ABHD5: variants seen among roughly 807,000 people sequenced by gnomAD.
The protein encoded by ABHD5 is abhydrolase domain containing 5, lysophosphatidic acid acyltransferase.
A neutral mutation model predicts 44.9 loss-of-function variants in ABHD5; 30 were observed. The ratio of observed to expected loss-of-function variants is 0.67; its 90% CI spans 0.50 to 0.91. The LOEUF is 0.91. Ranked by LOEUF, ABHD5 falls within the 40% of genes least tolerant of loss-of-function variation. ABHD5 has a pLI of 0.00. For synonymous variants in ABHD5, 167 were observed against 147.0 expected (o/e 1.14, Z -0.99); for missense variants, 399 against 423.4 (o/e 0.94, Z 0.50).
intron 7 of ABHD5, among the ~76,000 whole-genome samples, chr3:43,732,314 C>G (rs749435169): frequency 1.3e-5 from 2 of 152,060 alleles, no homozygotes; most frequent in Non-Finnish European, 2.9e-5. Context: ...CCTGTAATTC[C>G]AGCTACTTGG....
In ABHD5 at chr3:43,715,006, G is replaced by C. The variant is rs1397734423; in HGVS notation, c.721G>C (p.Glu241Gln). ...CAAACGAAAGTATTCTTCAATGTTC[G>C]AAGACGATACTGTGACAGAATACAT... ...DFKRKYSSMF[E>Q]DDTVTEYIYH... Residue 241 changes from glutamate (E) to glutamine (Q), a missense_variant, in exon 5 of 7, where the codon GAA (glutamate) becomes CAA (glutamine). Coordinates refer to ENST00000644371, the MANE Select transcript of ABHD5 (RefSeq NM_016006.6). 6.2e-7 allele frequency: 1 copy of C among 1,612,832 alleles called. No homozygotes were observed. The highest frequency in any genetic ancestry group is 8.5e-7 in the Non-Finnish European group (1 of 1,179,466).
chr3:43,720,893 C>T lies in ABHD5; in HGVS notation c.*2361C>T, dbSNP rs1376482616. 6.7e-6 allele frequency: 1 copy of T among 148,162 alleles called. No individual in the cohort carries two copies. Among genetic ancestry groups the T allele is most frequent in the Non-Finnish European group, 1.5e-5 (1 of 67,060 alleles). 9.2% of individuals were successfully genotyped at this position (148,162 alleles called of 1,614,324 possible). On this transcript the variant is annotated 3_prime_UTR_variant, in exon 7 of 7. Transcript: ENST00000644371. ...CCCTTAAGATGACTTCTGTTTTCTT[C>T]TTTTTTCTTCTGATTTTCCAAAAAA...
chr3:43,715,055 C>G lies in ABHD5; in HGVS notation c.770C>G (p.Pro257Arg), dbSNP rs2084744930. ...EYIYHCNVQT[P>R]SGETAFKNMT... ...ATCTACCACTGTAATGTGCAGACTC[C>G]AAGGTGAGGGTTAGGATTCTCAATT... is the stretch of plus-strand genomic sequence containing the variant. The change falls in exon 5 of 7, where the codon CCA becomes CGA. Residue 257 changes from proline (P) to arginine (R), a missense_variant. Coordinates refer to ENST00000644371, the MANE Select transcript of ABHD5 (RefSeq NM_016006.6). 2 of 1,599,402 alleles carry G rather than the reference C, an allele frequency of 1.3e-6. No individual in the cohort carries two copies. The highest frequency in any genetic ancestry group is 2.7e-5 in the African/African-American group (2 of 73,186).
At position 43,720,537 on chromosome 3, in the gene ABHD5, T is replaced by C. The variant is rs1455396138; in HGVS notation, c.*2005T>C. On this transcript the variant is annotated 3_prime_UTR_variant, in exon 7 of 7. Transcript: ENST00000644371. ...TTACCCTGAGGTATAGTATATGTAATTTTGTGAAGATTGAGCTGGAAGGGA... is the reference window on the plus strand; with the variant it reads ...TTACCCTGAGGTATAGTATATGTAACTTTGTGAAGATTGAGCTGGAAGGGA... 6.6e-6 allele frequency: 1 copy of C among 152,224 alleles called. No individual in the cohort carries two copies. Among genetic ancestry groups the C allele is most frequent in the Non-Finnish European group, 1.5e-5 (1 of 68,042 alleles). 9.4% of individuals were successfully genotyped at this position (152,224 alleles called of 1,614,324 possible). A position where few individuals can be genotyped will look rare whatever the true frequency, so the allele number is the denominator to read the frequency against.
At chr3:43,715,916 C>CTTTAGA (rs2084756931) in intron 5 of ABHD5, among the ~76,000 whole-genome samples, 3 of 152,078 alleles carry the variant, frequency 2.0e-5, no homozygotes. Context: ...TGATTGTACT[C>CTTTAGA]CTGAACAACT....
At position 43,703,182 on chromosome 3, in the gene ABHD5, CT is replaced by C. The variant is rs56246222; in HGVS notation, c.506+608del. Among the ~76,000 whole-genome samples the C allele has an allele frequency of 4.3e-3, 627 of 147,266 alleles. 4 individuals carry two copies. Among genetic ancestry groups the C allele is most frequent in the South Asian group, 0.025 (118 of 4,646 alleles). ...TTCTAGCATCATCTCCTTTCTTTAA[CT>C]TTTTTTTTTTTTAAGAGATAGAAGC... On this transcript the variant is annotated intron_variant, in intron 3 of 6. Transcript: ENST00000644371.
At position 43,714,929 on chromosome 3, in the gene ABHD5, A is replaced by C; in HGVS notation, c.662-18A>C. 1 of 1,569,242 alleles carries C rather than the reference A, an allele frequency of 6.4e-7. No homozygotes were observed. Among genetic ancestry groups the C allele is most frequent in the Non-Finnish European group, 8.8e-7 (1 of 1,139,688 alleles). On this transcript the variant is annotated intron_variant, in intron 4 of 6. Transcript: ENST00000644371. ...CTATAATTTAAAACATGCATTTTTT[A>C]AATTTCCTGTTAAATAGGTTTAAGT...
At chr3:43,714,676 C>A (rs1009884900) in intron 4 of ABHD5, among the ~76,000 whole-genome samples, 3 of 152,166 alleles carry the variant, frequency 2.0e-5, no homozygotes, top group African/African-American at 7.2e-5. Context: ...AAAGTGCCTT[C>A]TAACTTACAT....
chr3:43,716,140 G>C (rs931257804), intron 5 of ABHD5, among the ~76,000 whole-genome samples: 3 of 152,172 alleles, frequency 2.0e-5, no homozygotes, highest in Non-Finnish European at 2.9e-5. Flanking sequence ...TGAAGATAGT[G>C]GGGGGCTAGG....
rs886058498 is a variant in ABHD5, at chr3:43,720,836, G to T, written c.*2304G>T. The T allele has an allele frequency of 6.6e-6, 1 of 151,640 alleles. No homozygotes were observed. Among genetic ancestry groups the T allele is most frequent in the African/African-American group, 2.4e-5 (1 of 41,232 alleles). The allele number at this position is 151,640 out of a possible 1,614,324, so 9.4% of individuals were successfully genotyped here. A position where few individuals can be genotyped will look rare whatever the true frequency, so the allele number is the denominator to read the frequency against. On this transcript the variant is annotated 3_prime_UTR_variant, in exon 7 of 7. Transcript: ENST00000644371. The stretch of plus-strand genomic sequence containing the variant: ...GAAGGCTACTCTGGGTGTTGTGGCC[G>T]CCATACATGGCTTTACCTGGGTCCA...
At chr3:43,711,157 C>T (rs1017900409) in intron 3 of ABHD5, among the ~76,000 whole-genome samples, 11 of 152,174 alleles carry the variant, frequency 7.2e-5, no homozygotes, top group Admixed American at 2.0e-4. Context: ...GTCCACGTTA[C>T]GTTATCCTCA....
intron 6 of ABHD5, 130 bp downstream of exon 6, chr3:43,717,987 C>A: frequency 8.7e-7 from 1 of 1,155,444 alleles, no homozygotes; most frequent in Non-Finnish European, 1.3e-6. Flanking sequence ...CAGTCGGGGA[C>A]GTGATACCAC....
chr3:43,710,422 T>A (rs2084673366), intron 3 of ABHD5, among the ~76,000 whole-genome samples: 1 of 152,230 alleles, frequency 6.6e-6, no homozygotes, highest in Admixed American at 6.5e-5. Flanking sequence ...TCTGCTGGTA[T>A]GCTGGGGTAG....
rs368902140 is a variant in ABHD5, at chr3:43,691,052, G to T, written c.47+13G>T. ...ACACCGGAGAGAGGTAAGCGCAGCC[G>T]GCAGGGGGCTTCGTGTGTCTCCGGC... On this transcript the variant is annotated intron_variant, in intron 1 of 6. Transcript: ENST00000644371. 4 of 1,546,394 alleles carry T rather than the reference G, an allele frequency of 2.6e-6. No individual in the cohort carries two copies. Among genetic ancestry groups the T allele is most frequent in the Non-Finnish European group, 2.6e-6 (3 of 1,147,598 alleles).
rs190142605 is a variant in ABHD5 at position 43,732,723 on chromosome 3, C to T, written c.*30-1157C>T. Among the ~76,000 whole-genome samples, 152 of 152,278 alleles carry T rather than the reference C, an allele frequency of 1.0e-3. 2 individuals carry two copies. The highest frequency in any genetic ancestry group is 7.4e-3 in the Admixed American group (113 of 15,296). ...CACATTTATAATCTCATGGTTTCTG[C>T]GGATGAAGAATTCAGACATGGCTGA... On this transcript the variant is annotated intron_variant, in intron 7 of 7. Transcript: ENST00000454293.
In ABHD5 at chr3:43,702,187, CAG is replaced by C. The variant is rs747171625; in HGVS notation, c.134-26_134-25del. ...CCTTCTCAGAAGTAATAAAATGAAA[CAG>C]AATTTCTCTTTTATGTTTTCATTAG... On this transcript the variant is annotated intron_variant, in intron 2 of 6. Transcript: ENST00000644371. 41 of 1,560,266 alleles carry C rather than the reference CAG, an allele frequency of 2.6e-5. 1 individual carries two copies. The African/African-American group carries it at 5.1e-4, about 19-fold the overall frequency.
chr3:43,695,173 T>C (rs978902527), intron 1 of ABHD5: 2 of 152,180 alleles, frequency 1.3e-5, no homozygotes, highest in African/African-American at 4.8e-5. Flanking sequence ...TTTCTTTTCT[T>C]TTTCTCTTTC....
chr3:43,720,047 A>T lies in ABHD5; in HGVS notation c.*1515A>T, dbSNP rs965657609. ...AATAGACAAATTATACTGAAGCATGATATAAACATCTTCCCAATGAACAAT... is the reference window on the plus strand; with the variant it reads ...AATAGACAAATTATACTGAAGCATGTTATAAACATCTTCCCAATGAACAAT... On this transcript the variant is annotated 3_prime_UTR_variant, in exon 7 of 7. Transcript: ENST00000644371. 8 of 152,224 alleles carry T rather than the reference A, an allele frequency of 5.3e-5. No homozygotes were observed. The highest frequency in any genetic ancestry group is 1.5e-5 in the Non-Finnish European group (1 of 68,038). 9.4% of individuals were successfully genotyped at this position (152,224 alleles called of 1,614,324 possible). A position where few individuals can be genotyped will look rare whatever the true frequency, so the allele number is the denominator to read the frequency against.
At chr3:43,709,862 G>A (rs2084665796) in intron 3 of ABHD5, among the ~76,000 whole-genome samples, 1 of 152,130 alleles carries the variant, frequency 6.6e-6, no homozygotes, top group Non-Finnish European at 1.5e-5. Context: ...GAGCAACATG[G>A]TAAAACCCCA....
Sources: gnomAD v4.1 joint callset for allele counts (sites outside exome capture counted in the v4.1 genomes callset) on GRCh38, gnomAD v4.1.1 for gene constraint, MANE v1.5 for transcripts, NCBI Gene and HGNC (gene_info 2026-07-23, HGNC 2026-07-21) for gene names.